FBXL17: variants seen among roughly 807,000 people sequenced by gnomAD.
FBXL17 encodes the protein F-box and leucine rich repeat protein 17.
A neutral mutation model predicts 66.2 loss-of-function variants in FBXL17; 22 were observed. The observed-to-expected ratio is 0.33, with a 90% CI of 0.24 to 0.47. The LOEUF (loss-of-function observed/expected upper bound fraction) is 0.47, where lower values mean the gene tolerates loss of function less well. FBXL17 is among the 20% of genes least tolerant of loss of function. The probability of loss-of-function intolerance (pLI) is 1.00; values close to 1 mark genes in which losing one functional copy is unlikely to be tolerated. For synonymous variants in FBXL17, 474 were observed against 400.5 expected (o/e 1.18, Z -2.19); for missense variants, 878 against 948.2 (o/e 0.93, Z 0.97).
chr5:108,299,867 A>G, intron 4 of FBXL17: 4 of 979,036 alleles, frequency 4.1e-6, no homozygotes, highest in Non-Finnish European at 4.9e-6. Flanking sequence ...CCATGGAAAA[A>G]TCATTAGATA....
intron 7 of FBXL17, among the ~76,000 whole-genome samples, chr5:107,996,243 T>C (rs547980590): frequency 3.3e-5 from 5 of 152,344 alleles, no homozygotes; most frequent in Admixed American, 2.0e-4. Context: ...CATTTTTTCT[T>C]AAATGTTCCC....
At chr5:107,880,896 T>A in intron 8 of FBXL17, 141 bp downstream of exon 8, 1 of 1,441,616 alleles carries the variant, frequency 6.9e-7, no homozygotes, top group South Asian at 1.6e-5. Context: ...AATGCATAGC[T>A]ATAATTGCAT....
chr5:107,984,022 A>T (rs906110894), intron 7 of FBXL17, among the ~76,000 whole-genome samples: 2 of 152,172 alleles, frequency 1.3e-5, no homozygotes, highest in African/African-American at 2.4e-5. Context: ...AACATAAGTG[A>T]TTTTTATAAG....
At chr5:108,033,588 T>C (rs969754642) in intron 6 of FBXL17, among the ~76,000 whole-genome samples, 2 of 152,194 alleles carry the variant, frequency 1.3e-5, no homozygotes, top group African/African-American at 2.4e-5. Flanking sequence ...CCATTTTCTT[T>C]TGTGAGTAAA....
At chr5:108,179,465 G>C (rs765763085) in intron 6 of FBXL17, among the ~76,000 whole-genome samples, 2 of 152,142 alleles carry the variant, frequency 1.3e-5, no homozygotes, top group Non-Finnish European at 2.9e-5. Flanking sequence ...AAGAGACAGA[G>C]AGAATAGTAT....
chr5:108,364,689 C>A, intron 3 of FBXL17, 49 bp downstream of exon 3: 1 of 1,451,618 alleles, frequency 6.9e-7, no homozygotes, highest in Non-Finnish European at 9.4e-7. Context: ...TGCTAGAAAA[C>A]ATTTTTAATT....
At chr5:107,891,721 T>G (rs536307502) in intron 7 of FBXL17, among the ~76,000 whole-genome samples, 2 of 152,334 alleles carry the variant, frequency 1.3e-5, no homozygotes, top group South Asian at 4.1e-4. Flanking sequence ...TTGCTCTTTG[T>G]GTCCTTGTGT....
In FBXL17 at chr5:108,374,859, T is replaced by C. The variant is rs114777858; in HGVS notation, c.993+5840A>G. ...ATGAAAACAAACACATATAGCAAAATCTATGGGATACAGAAACAAGTAACT... is the reference window on the plus strand; with the variant it reads ...ATGAAAACAAACACATATAGCAAAACCTATGGGATACAGAAACAAGTAACT... On this transcript the variant is annotated intron_variant, in intron 1 of 8. Transcript: ENST00000542267. 5.1e-3 allele frequency among the ~76,000 whole-genome samples: 769 copies of C among 151,936 alleles called. 2 individuals carry two copies. Among genetic ancestry groups the C allele is most frequent in the Non-Finnish European group, 9.4e-3 (642 of 67,960 alleles).
intron 4 of FBXL17, among the ~76,000 whole-genome samples, chr5:108,300,156 T>C (rs1758521546): frequency 1.3e-5 from 2 of 151,990 alleles, no homozygotes; most frequent in South Asian, 2.1e-4. Flanking sequence ...CGAAAACTTT[T>C]AGAAACTTAA....
At chr5:108,072,135 T>A (rs1190547390) in intron 6 of FBXL17, among the ~76,000 whole-genome samples, 1 of 152,176 alleles carries the variant, frequency 6.6e-6, no homozygotes, top group Non-Finnish European at 1.5e-5. Flanking sequence ...AGCACTGATC[T>A]TTGCTCTTAT....
intron 5 of FBXL17, among the ~76,000 whole-genome samples, chr5:108,216,226 A>G (rs999628802): frequency 2.0e-5 from 3 of 152,164 alleles, no homozygotes; most frequent in Admixed American, 2.0e-4. Flanking sequence ...TCCATTAAAA[A>G]AAGCTGCTGA....
chr5:108,069,701 C>T (rs997048910), intron 6 of FBXL17, among the ~76,000 whole-genome samples: 8 of 152,148 alleles, frequency 5.3e-5, no homozygotes, highest in Admixed American at 2.6e-4. Context: ...GTGAAGAAAA[C>T]GTCTTAACTT....
intron 6 of FBXL17, among the ~76,000 whole-genome samples, chr5:108,032,641 C>T (rs962512225): frequency 6.6e-6 from 1 of 152,138 alleles, no homozygotes; most frequent in African/African-American, 2.4e-5. Flanking sequence ...CTGTAGCTAT[C>T]AGAAGCTGGA....
chr5:108,289,127 C>T (rs554494343), intron 4 of FBXL17, among the ~76,000 whole-genome samples: 2 of 151,940 alleles, frequency 1.3e-5, no homozygotes, highest in African/African-American at 4.8e-5. Context: ...ACAGCTTTCT[C>T]GTGCAAAATA....
intron 6 of FBXL17, among the ~76,000 whole-genome samples, chr5:108,096,075 C>T (rs554068859): frequency 9.2e-5 from 14 of 152,102 alleles, no homozygotes; most frequent in African/African-American, 1.2e-4. Flanking sequence ...AACTGTTATA[C>T]GCTTGTTTGC....
intron 1 of FBXL17, among the ~76,000 whole-genome samples, chr5:108,369,520 C>A (rs1043291638): frequency 3.9e-5 from 6 of 151,994 alleles, no homozygotes. Flanking sequence ...CACTGGATAA[C>A]GAATATAGGG....
At chr5:108,029,930 T>C (rs1432204166) in intron 6 of FBXL17, among the ~76,000 whole-genome samples, 1 of 152,128 alleles carries the variant, frequency 6.6e-6, no homozygotes, top group Admixed American at 6.6e-5. Flanking sequence ...GTTCCTAACG[T>C]TAAAAAGTCC....
chr5:107,871,069 A>AAAAAAAAAAAAAAAAAAC (rs1456052737), intron 8 of FBXL17, among the ~76,000 whole-genome samples: 7 of 130,172 alleles, frequency 5.4e-5, no homozygotes, highest in South Asian at 2.3e-4. Context: ...AAAAAAAAAA[A>AAAAAAAAAAAAAAAAAAC]AAAAAAAAAA....
intron 7 of FBXL17, among the ~76,000 whole-genome samples, chr5:107,963,676 A>T (rs183410619): frequency 9.9e-5 from 15 of 152,284 alleles, no homozygotes; most frequent in Admixed American, 9.8e-4. Flanking sequence ...TATAAATTTC[A>T]TACACAGTAG....
Sources: allele counts gnomAD v4.1 joint callset (sites outside exome capture counted in the v4.1 genomes callset), GRCh38; gene constraint gnomAD v4.1.1; transcripts MANE v1.5; gene names NCBI Gene and HGNC (gene_info 2026-07-23, HGNC 2026-07-21).